Variants in ZFHX3 observed in about 807,000 individuals in gnomAD.
The protein encoded by ZFHX3 is zinc finger homeobox protein 3.
A neutral mutation model predicts 279.1 loss-of-function variants in ZFHX3; 42 were observed. That is an observed-to-expected ratio of 0.15 (90% CI 0.12 to 0.19). The LOEUF is 0.19. ZFHX3 is among the 10% of genes least tolerant of loss of function. The pLI is 1.00. For missense variants in ZFHX3, 4,981 were observed against 4,754.0 expected (o/e 1.05, Z -1.40); for synonymous variants, 2,293 against 1,957.8 (o/e 1.17, Z -4.52).
At chr16:73,386,093 T>C (rs1041665518) in intron 3 of ZFHX3, among the ~76,000 whole-genome samples, 7 of 152,186 alleles carry the variant, frequency 4.6e-5, no homozygotes, top group Non-Finnish European at 7.3e-5. Flanking sequence ...TACCAGGTAA[T>C]GTTTTCTTTA....
chr16:73,808,042 G>T (rs1960330685), intron 1 of ZFHX3, among the ~76,000 whole-genome samples: 1 of 152,074 alleles, frequency 6.6e-6, no homozygotes, highest in African/African-American at 2.4e-5. Flanking sequence ...ATGCTAGAGG[G>T]CTTACACTCA....
At chr16:73,282,679 T>C (rs2014487006) in intron 4 of ZFHX3, among the ~76,000 whole-genome samples, 1 of 152,242 alleles carries the variant, frequency 6.6e-6, no homozygotes, top group African/African-American at 2.4e-5. Flanking sequence ...ATCTATCAGT[T>C]CAATGGTAGT....
In ZFHX3 at chr16:72,959,916, T is replaced by C; in HGVS notation, c.230A>G (p.Lys77Arg). 1.2e-6 allele frequency: 2 copies of C among 1,603,342 alleles called. No homozygotes were observed. The highest frequency in any genetic ancestry group is 1.7e-6 in the Non-Finnish European group (2 of 1,173,704). The change falls in exon 2 of 10, where the codon AAG becomes AGG. Residue 77 changes from lysine to arginine, a missense_variant. This residue lies in a region of ZFHX3 where 1,068 missense variants were observed against 935.2 expected (regional missense o/e 1.14). Coordinates refer to ENST00000268489, the MANE Select transcript of ZFHX3 (RefSeq NM_006885.4). The part of the protein sequence containing the change: ...SAGPPSEPAS[K>R]EVTCNECSAS... ...CGAACATTCGTTGCAGGTGACCTCC[T>C]TGCTGGCGGGCTCGGAGGGGGGCCC...
rs1312973789 is a variant in ZFHX3, at chr16:73,639,294, T to C, written c.-1547+40886A>G. 2.0e-5 allele frequency among the ~76,000 whole-genome samples: 3 copies of C among 152,086 alleles called. No homozygotes were observed. In the East Asian group the frequency reaches 5.8e-4, roughly 29 times the overall value. On this transcript the variant is annotated intron_variant, in intron 2 of 17. Coordinates refer to the ZFHX3 transcript ENST00000641206. Reference sequence around the variant, plus strand: ...GCTCAGATATATTGCACTGGAGTATTTTTTTTCCTTCTTGCTTTTATTCTT... The same window carrying C: ...GCTCAGATATATTGCACTGGAGTATCTTTTTTCCTTCTTGCTTTTATTCTT...
chr16:72,970,210 A>T (rs144905721), intron 1 of ZFHX3, among the ~76,000 whole-genome samples: 1 of 145,706 alleles, frequency 6.9e-6, no homozygotes, highest in African/African-American at 2.5e-5. Flanking sequence ...ATTAAAAAAG[A>T]TTTTTTTTTT....
intron 4 of ZFHX3, among the ~76,000 whole-genome samples, chr16:72,847,801 C>G (rs1436316694): frequency 6.6e-6 from 1 of 152,008 alleles, no homozygotes; most frequent in Non-Finnish European, 1.5e-5. Context: ...AAGATGAGAG[C>G]TGAATGGAAC....
At chr16:73,092,899 G>T (rs1484869435) in intron 8 of ZFHX3, 17 of 519,506 alleles carry the variant, frequency 3.3e-5, no homozygotes, top group Non-Finnish European at 6.5e-5. Flanking sequence ...TGTCCCACGC[G>T]CTCCTGTTTT....
intron 2 of ZFHX3, among the ~76,000 whole-genome samples, chr16:73,563,251 T>G (rs899179691): frequency 2.2e-4 from 33 of 150,886 alleles, no homozygotes; most frequent in African/African-American, 7.1e-4. Flanking sequence ...TTTGTTTTTT[T>G]TTTTGAGAGG....
chr16:73,344,977 C>T (rs1408626206), intron 3 of ZFHX3, among the ~76,000 whole-genome samples: 1 of 152,046 alleles, frequency 6.6e-6, no homozygotes, highest in Non-Finnish European at 1.5e-5. Flanking sequence ...GAACCTGGGT[C>T]CCTTGGGCCT....
intron 2 of ZFHX3, among the ~76,000 whole-genome samples, chr16:73,580,539 C>T (rs907087713): frequency 6.6e-6 from 1 of 151,104 alleles, no homozygotes; most frequent in African/African-American, 2.4e-5. Flanking sequence ...ATTTCCTTTG[C>T]TAACTGGGAC....
chr16:73,582,028 C>T (rs2051867521), intron 2 of ZFHX3, among the ~76,000 whole-genome samples: 1 of 151,880 alleles, frequency 6.6e-6, no homozygotes, highest in Admixed American at 6.6e-5. Flanking sequence ...CATGCTTCCC[C>T]TTCCTTTCAA....
At chr16:72,853,262 A>G (rs2037664524) in intron 4 of ZFHX3, among the ~76,000 whole-genome samples, 1 of 152,242 alleles carries the variant, frequency 6.6e-6, no homozygotes, top group African/African-American at 2.4e-5. Context: ...CACCTGGGTG[A>G]TTATGATCAA....
At chr16:73,058,556 T>C in exon 1 of ZFHX3, 1 of 174,658 alleles carries the variant, frequency 5.7e-6, no homozygotes, top group Non-Finnish European at 1.1e-5. Flanking sequence ...CGGCGGCGGC[T>C]GCAGCGGCGC....
chr16:73,627,777 G>C (rs1035795253), intron 2 of ZFHX3, among the ~76,000 whole-genome samples: 1 of 152,184 alleles, frequency 6.6e-6, no homozygotes, highest in Admixed American at 6.5e-5. Flanking sequence ...AATTAGCTGG[G>C]CATGGTGGCA....
chr16:73,319,601 C>T (rs1213657811), intron 3 of ZFHX3, among the ~76,000 whole-genome samples: 1 of 151,610 alleles, frequency 6.6e-6, no homozygotes, highest in East Asian at 1.9e-4. Flanking sequence ...TACGTGTGAT[C>T]ATCTCTTTTT....
intron 2 of ZFHX3, among the ~76,000 whole-genome samples, chr16:73,509,847 C>T (rs542695303): frequency 6.6e-6 from 1 of 152,230 alleles, no homozygotes; most frequent in African/African-American, 2.4e-5. Context: ...AGGGACCCAC[C>T]ACCATGCCCG....
intron 3 of ZFHX3, among the ~76,000 whole-genome samples, chr16:73,455,648 A>G (rs974077940): frequency 7.9e-5 from 12 of 152,218 alleles, no homozygotes; most frequent in African/African-American, 2.7e-4. Context: ...TACTATGAGC[A>G]TTGTAAATCA....
At chr16:73,551,923 C>A (rs2020209436) in intron 2 of ZFHX3, among the ~76,000 whole-genome samples, 2 of 152,134 alleles carry the variant, frequency 1.3e-5, no homozygotes, top group South Asian at 4.1e-4. Context: ...TACATATAAA[C>A]AAGTATCATC....
At chr16:73,684,178 C>G (rs2053054807) in intron 1 of ZFHX3, among the ~76,000 whole-genome samples, 1 of 152,100 alleles carries the variant, frequency 6.6e-6, no homozygotes, top group East Asian at 1.9e-4. Flanking sequence ...CCTGTAGTCC[C>G]AGCTACTCGA....
Sources: gnomAD v4.1 joint callset for allele counts (sites outside exome capture counted in the v4.1 genomes callset) on GRCh38, gnomAD v4.1.1 for gene constraint, gnomAD v4.1.1 regional missense constraint, MANE v1.5 for transcripts, NCBI Gene and HGNC (gene_info 2026-07-23, HGNC 2026-07-21) for gene names.